Variants in PCDHGB7 observed in about 807,000 individuals in gnomAD.
PCDHGB7 encodes the protein protocadherin gamma subfamily B, 7.
A neutral mutation model predicts 61.4 loss-of-function variants in PCDHGB7; 37 were observed. The ratio of observed to expected loss-of-function variants is 0.60; its 90% confidence interval spans 0.46 to 0.79. The LOEUF (loss-of-function observed/expected upper bound fraction) is 0.79, where lower values mean the gene tolerates loss of function less well. PCDHGB7 is among the 30% of genes least tolerant of loss of function. The probability of loss-of-function intolerance (pLI) is 0.00; values close to 1 mark genes in which losing one functional copy is unlikely to be tolerated. For missense variants in PCDHGB7, 1,166 were observed against 1,202.5 expected, an observed-to-expected ratio of 0.97 and a Z score of 0.45; for synonymous variants, 464 against 503.5, an observed-to-expected ratio of 0.92 and a Z score of 1.05.
intron 1 of PCDHGB7, chr5:141,423,914 A>G (rs2096790099): frequency 3.0e-5 from 38 of 1,268,116 alleles, no homozygotes; most frequent in Non-Finnish European, 3.0e-6. Flanking sequence ...GGGGCCATTC[A>G]ACTATGCTGG....
chr5:141,483,951 TTG>T (rs1298075162), intron 1 of PCDHGB7, among the ~76,000 whole-genome samples: 2 of 147,758 alleles, frequency 1.4e-5, no homozygotes, highest in Non-Finnish European at 3.0e-5. Flanking sequence ...GTGAATTGTG[TTG>T]TGTTTCTGTG....
intron 2 of PCDHGB7, among the ~76,000 whole-genome samples, chr5:141,500,180 TTA>T (rs2099797073): frequency 7.1e-6 from 1 of 140,608 alleles, no homozygotes; most frequent in African/African-American, 2.8e-5. Flanking sequence ...AGCTTCATTT[TTA>T]TTTTTATTTA....
At chr5:141,471,932 A>T (rs1015576042) in intron 1 of PCDHGB7, among the ~76,000 whole-genome samples, 1 of 152,158 alleles carries the variant, frequency 6.6e-6, no homozygotes, top group Non-Finnish European at 1.5e-5. Context: ...GGGGGTGATG[A>T]GAGTTTTCTA....
Position 141,477,114 on chromosome 5 carries a change from G to C in PCDHGB7, c.2416-17693G>C. ...AAAGACAAGGGCGCCAATCCCGAAG[G>C]AGCACATTGCAAAGTGTTGGTGGAG... is the stretch of plus-strand genomic sequence containing the variant. On this transcript the variant is annotated intron_variant, in intron 1 of 3. Coordinates refer to ENST00000398594, the MANE Select transcript of PCDHGB7 (RefSeq NM_018927.4). This position sits in a 1 kb window ranked among gnomAD's most constrained non-coding sequence, Gnocchi z 4.9. 4.3e-6 allele frequency: 7 copies of C among 1,614,234 alleles called. No homozygotes were observed. Among genetic ancestry groups the C allele is most frequent in the Non-Finnish European group, 5.9e-6 (7 of 1,180,046 alleles).
At chr5:141,435,112 T>A (rs906494104) in intron 1 of PCDHGB7, among the ~76,000 whole-genome samples, 1 of 152,102 alleles carries the variant, frequency 6.6e-6, no homozygotes, top group Non-Finnish European at 1.5e-5. Context: ...GGGGGAGAAA[T>A]CTAATTCAAT....
rs576937130 is a variant in PCDHGB7 at position 141,427,508 on chromosome 5, G to A, written c.2415+7234G>A. ...ATAAGCTTGTAACAGATGGGACCCT[G>A]GATTGGGAGCGGATCCCGGAGTACA... On this transcript the variant is annotated intron_variant, in intron 1 of 3. Transcript: ENST00000398594. 9.9e-4 allele frequency: 584 copies of A among 587,058 alleles called. 6 individuals carry two copies. The highest frequency in any genetic ancestry group is 3.0e-4 in the Non-Finnish European group (94 of 311,294). The allele number at this position is 587,058 out of a possible 1,614,324, so 36.4% of individuals were successfully genotyped here.
rs754299511 is a variant in PCDHGB7 at position 141,476,353 on chromosome 5, G to A, written c.2416-18454G>A. 4 of 1,614,202 alleles carry A rather than the reference G, an allele frequency of 2.5e-6. No individual in the cohort carries two copies. Among genetic ancestry groups the A allele is most frequent in the South Asian group, 1.1e-5 (1 of 91,082 alleles). On this transcript the variant is annotated intron_variant, in intron 1 of 3. Coordinates refer to ENST00000398594, the MANE Select transcript of PCDHGB7 (RefSeq NM_018927.4). The surrounding 1 kb of genome is among the most constrained non-coding windows in gnomAD (Gnocchi z 7.6). The stretch of plus-strand genomic sequence containing the variant: ...GAGCTAGCCGAAGATTCTTTGAGGT[G>A]AACCGGGAGACCGGAGAGATGTTTG...
intron 3 of PCDHGB7, among the ~76,000 whole-genome samples, chr5:141,509,139 A>G (rs1042555376): frequency 2.6e-5 from 4 of 152,140 alleles, no homozygotes; most frequent in African/African-American, 9.7e-5. Flanking sequence ...ACCGAGGCGC[A>G]TCCCGGCTCT....
Position 141,417,842 on chromosome 5 carries a change from C to A in PCDHGB7, c.-18C>A, listed in dbSNP as rs1247720013. 3 of 1,537,164 alleles carry A rather than the reference C, an allele frequency of 2.0e-6. No homozygotes were observed. The South Asian group carries it at 3.6e-5, about 19-fold the overall frequency. Reference sequence around the variant, plus strand: ...TCCAACTGGAAAAGCGGGGACCCAGCGAGAACCCGAGCGAACGATGGGAGG... The same window carrying A: ...TCCAACTGGAAAAGCGGGGACCCAGAGAGAACCCGAGCGAACGATGGGAGG... On this transcript the variant is annotated 5_prime_UTR_variant, in exon 1 of 4. Transcript: ENST00000398594.
chr5:141,438,625 TATATATATATACACAC>T (rs1232816129), intron 1 of PCDHGB7, among the ~76,000 whole-genome samples: 1,472 of 46,190 alleles, frequency 0.032, 16 homozygotes, highest in African/African-American at 0.13. Context: ...TATATATATA[TATATATATATACACAC>T]ACACACACAC....
chr5:141,418,946 G>A lies in PCDHGB7; in HGVS notation c.1087G>A (p.Gly363Arg). Residue 363 changes from glycine (G) to arginine (R), a missense_variant, in exon 1 of 4, where the codon GGA becomes AGA. Transcript: ENST00000398594. The part of the protein sequence containing the change: ...SDQIMEDSPP[G>R]VVVALFKTRD... ...TCAGATTATGGAGGATTCCCCTCCA[G>A]GAGTGGTTGTTGCCCTCTTCAAAAC... 3 of 1,614,018 alleles carry A rather than the reference G, an allele frequency of 1.9e-6. No individual in the cohort carries two copies. Among genetic ancestry groups the A allele is most frequent in the South Asian group, 1.1e-5 (1 of 91,080 alleles).
At chr5:141,454,331 T>G (rs1244660733) in intron 1 of PCDHGB7, among the ~76,000 whole-genome samples, 1 of 152,180 alleles carries the variant, frequency 6.6e-6, no homozygotes, top group Non-Finnish European at 1.5e-5. Context: ...CAAGAATAAA[T>G]AAAATGTTGG....
chr5:141,460,511 A>G (rs533913282), intron 1 of PCDHGB7, among the ~76,000 whole-genome samples: 2 of 152,286 alleles, frequency 1.3e-5, no homozygotes, highest in Admixed American at 1.3e-4. Context: ...TGAGAAGGCT[A>G]TCTTTTCCCC....
At chr5:141,423,744 A>G in intron 1 of PCDHGB7, 1 of 429,464 alleles carries the variant, frequency 2.3e-6, no homozygotes. Context: ...TGTTATGAAA[A>G]CTGTTTGGGG....
In PCDHGB7 at chr5:141,487,906, AGCACAGGAGGCTACAGT is replaced by A. The variant is rs2099668744; in HGVS notation, c.2416-6893_2416-6877del. ...TGGAAGCATGATGATGGAATGTGGG[AGCACAGGAGGCTACAGT>A]GCACAGGGTACAGTGCACCAGGCAG... On this transcript the variant is annotated intron_variant, in intron 1 of 3. Coordinates refer to ENST00000398594, the MANE Select transcript of PCDHGB7 (RefSeq NM_018927.4). The surrounding 1 kb of genome is among the most constrained non-coding windows in gnomAD (Gnocchi z 5.0). The A allele has an allele frequency of 8.7e-6, 6 of 686,524 alleles. No homozygotes were observed. The East Asian group carries it at 1.6e-4, about 19-fold the overall frequency. The allele number at this position is 686,524 out of a possible 1,614,324, so 42.5% of individuals were successfully genotyped here.
In PCDHGB7 at chr5:141,432,021, C is replaced by G. The variant is rs746940912; in HGVS notation, c.2415+11747C>G. 1.9e-5 allele frequency: 30 copies of G among 1,614,076 alleles called. No individual in the cohort carries two copies. The highest frequency in any genetic ancestry group is 2.7e-5 in the African/African-American group (2 of 74,922). Reference sequence around the variant, plus strand: ...GAACAGGTTCCTAGCTACAACATCACAGTGACCGCCACTGACCGGGGAACC... The same window carrying G: ...GAACAGGTTCCTAGCTACAACATCAGAGTGACCGCCACTGACCGGGGAACC... On this transcript the variant is annotated intron_variant, in intron 1 of 3. Transcript: ENST00000398594. The surrounding 1 kb of genome is among the most constrained non-coding windows in gnomAD (Gnocchi z 6.0).
intron 1 of PCDHGB7, chr5:141,422,759 A>G (rs2096670710): frequency 6.2e-7 from 1 of 1,613,252 alleles, no homozygotes; most frequent in Non-Finnish European, 8.5e-7. Flanking sequence ...ATTAACTCCA[A>G]CACTGGTGTT....
intron 1 of PCDHGB7, among the ~76,000 whole-genome samples, chr5:141,480,272 G>T (rs903112862): frequency 7.2e-6 from 1 of 138,796 alleles, no homozygotes; most frequent in Non-Finnish European, 1.5e-5. Flanking sequence ...TTCATTAGCT[G>T]GGTGTGTTGG....
At chr5:141,467,167 C>T (rs2099138606) in intron 1 of PCDHGB7, among the ~76,000 whole-genome samples, 1 of 151,832 alleles carries the variant, frequency 6.6e-6, no homozygotes, top group Non-Finnish European at 1.5e-5. Context: ...ATTCTCATCT[C>T]TCAGCCTCCC....
Sources: allele counts gnomAD v4.1 joint callset (sites outside exome capture counted in the v4.1 genomes callset), GRCh38; gene constraint gnomAD v4.1.1; non-coding constraint Gnocchi (gnomAD v3.1); transcripts MANE v1.5; gene names NCBI Gene and HGNC (gene_info 2026-07-23, HGNC 2026-07-21).